MAP3K4: variants seen among roughly 807,000 people sequenced by gnomAD.
MAP3K4 encodes mitogen-activated protein kinase kinase kinase 4.
MAP3K4 carries 67 observed loss-of-function variants against 185.6 expected under a neutral mutation model. The ratio of observed to expected loss-of-function variants is 0.36; its 90% CI spans 0.30 to 0.44. The LOEUF is 0.44. Ranked by LOEUF, MAP3K4 falls within the 20% of genes least tolerant of loss-of-function variation. The probability of loss-of-function intolerance (pLI) is 1.00; values close to 1 mark genes in which losing one functional copy is unlikely to be tolerated. For missense variants in MAP3K4, 1,551 were observed against 1,995.1 expected (o/e 0.78, Z 4.24); for synonymous variants, 702 against 710.4 (o/e 0.99, Z 0.19).
At position 161,109,958 on chromosome 6, in the gene MAP3K4, T is replaced by TACCCA; in HGVS notation, c.4396+45_4396+49dup. On this transcript the variant is annotated intron_variant, in intron 23 of 26. Transcript: ENST00000392142. This position sits in a 1 kb window ranked among gnomAD's most constrained non-coding sequence, Gnocchi z 5.7. ...GGCTGCTGTGGGCCAGAGCCACTGG[T>TACCCA]ACCCAGCCCGTGGGAGGTGCTCTGA... 6.2e-7 allele frequency: 1 copy of TACCCA among 1,606,458 alleles called. No homozygotes were observed.
At position 161,116,748 on chromosome 6, in the gene MAP3K4, A is replaced by G. The variant is rs1178278732; in HGVS notation, c.4807-102A>G. ...TGCCCAGTACAGTGCTGGGAGCATCAGGATGAGTGGATGGGGCCTTCCCCG... is the reference window on the plus strand; with the variant it reads ...TGCCCAGTACAGTGCTGGGAGCATCGGGATGAGTGGATGGGGCCTTCCCCG... On this transcript the variant is annotated intron_variant, in intron 26 of 26. Coordinates refer to ENST00000392142, the MANE Select transcript of MAP3K4 (RefSeq NM_005922.4). This position sits in a 1 kb window ranked among gnomAD's most constrained non-coding sequence, Gnocchi z 6.2. 6 of 968,840 alleles carry G rather than the reference A, an allele frequency of 6.2e-6. No homozygotes were observed. The highest frequency in any genetic ancestry group is 6.6e-6 in the Non-Finnish European group (4 of 605,560). 60.0% of individuals were successfully genotyped at this position (968,840 alleles called of 1,614,324 possible). A position where few individuals can be genotyped will look rare whatever the true frequency, so the allele number is the denominator to read the frequency against.
rs1782173300 is a variant in MAP3K4, at chr6:161,017,564, T to C, written c.153-16695T>C. ...AAAAATTAGGTCCACAAAAAATCTT[T>C]GTGATCTTTTGTAAGTTATAGAAAC... On this transcript the variant is annotated intron_variant, in intron 1 of 26. Coordinates refer to ENST00000392142, the MANE Select transcript of MAP3K4 (RefSeq NM_005922.4). The surrounding 1 kb of genome is among the most constrained non-coding windows in gnomAD (Gnocchi z 5.1). 6.6e-6 allele frequency among the ~76,000 whole-genome samples: 1 copy of C among 152,210 alleles called. No individual in the cohort carries two copies. Among genetic ancestry groups the C allele is most frequent in the South Asian group, 2.1e-4 (1 of 4,828 alleles).
intron 1 of MAP3K4, among the ~76,000 whole-genome samples, chr6:161,026,846 T>C (rs1000044829): frequency 1.3e-5 from 2 of 151,662 alleles, no homozygotes; most frequent in Non-Finnish European, 2.9e-5. Flanking sequence ...ATTTATATAG[T>C]TTTATGAGAG....
At chr6:161,089,603 C>G (rs1785925246) in intron 11 of MAP3K4, 132 bp downstream of exon 11, 2 of 811,550 alleles carry the variant, frequency 2.5e-6, no homozygotes, top group Non-Finnish European at 3.8e-6. Context: ...CCTCTCTTCC[C>G]AATACATATT....
At chr6:161,036,074 A>G (rs551803952) in intron 2 of MAP3K4, among the ~76,000 whole-genome samples, 2 of 152,334 alleles carry the variant, frequency 1.3e-5, no homozygotes, top group Admixed American at 6.5e-5. Flanking sequence ...ATGGTCTTTC[A>G]CTAATCAGTG....
rs1783085159 is a variant in MAP3K4 at position 161,034,730 on chromosome 6, G to T, written c.343+281G>T. Among the ~76,000 whole-genome samples the T allele has an allele frequency of 6.6e-6, 1 of 152,132 alleles. No homozygotes were observed. The highest frequency in any genetic ancestry group is 2.4e-5 in the African/African-American group (1 of 41,420). ...TTTCCCAGTGTACTAATACAAGATG[G>T]CAACTGGTTACATGGGATAGATGGC... On this transcript the variant is annotated intron_variant, in intron 2 of 26. Coordinates refer to ENST00000392142, the MANE Select transcript of MAP3K4 (RefSeq NM_005922.4). This position sits in a 1 kb window ranked among gnomAD's most constrained non-coding sequence, Gnocchi z 4.4.
chr6:160,997,200 G>A (rs921984357), intron 1 of MAP3K4, among the ~76,000 whole-genome samples: 2 of 151,938 alleles, frequency 1.3e-5, no homozygotes, highest in Non-Finnish European at 2.9e-5. Context: ...GTGAGTCTCA[G>A]AGGATCACCT....
Position 161,084,577 on chromosome 6 carries a change from T to C in MAP3K4, c.2332T>C (p.Trp778Arg), listed in dbSNP as rs1017699440. The C allele has an allele frequency of 3.1e-6, 5 of 1,612,880 alleles. No individual in the cohort carries two copies. Among genetic ancestry groups the C allele is most frequent in the Middle Eastern group, 1.7e-4 (1 of 6,060 alleles). The change falls in exon 7 of 27, where the codon TGG (tryptophan) becomes CGG (arginine). Residue 778 changes from tryptophan to arginine, a missense_variant. Coordinates refer to ENST00000392142, the MANE Select transcript of MAP3K4 (RefSeq NM_005922.4). This position sits in a 1 kb window ranked among gnomAD's most constrained non-coding sequence, Gnocchi z 4.6. Reference sequence around the variant, plus strand: ...CTTACAGGAGAGCTGTGCTGAATTTTGGACTAGTGCGGATGACAGCAGTGC... The same window carrying C: ...CTTACAGGAGAGCTGTGCTGAATTTCGGACTAGTGCGGATGACAGCAGTGC... ...FGLQESCAEF[W>R]TSADDSSASD...
chr6:161,066,069 G>A (rs1045561057), intron 3 of MAP3K4, among the ~76,000 whole-genome samples: 11 of 152,040 alleles, frequency 7.2e-5, no homozygotes, highest in Non-Finnish European at 1.5e-4. Context: ...TTAGGGATGC[G>A]CAACCTATAT....
intron 1 of MAP3K4, among the ~76,000 whole-genome samples, chr6:161,014,782 A>C (rs950613124): frequency 6.6e-6 from 1 of 152,328 alleles, no homozygotes; most frequent in African/African-American, 2.4e-5. Flanking sequence ...TCATCCACCC[A>C]TTTAAAGTGT....
chr6:161,036,624 A>G (rs1383797769), intron 2 of MAP3K4, among the ~76,000 whole-genome samples: 2 of 152,188 alleles, frequency 1.3e-5, no homozygotes, highest in Admixed American at 6.5e-5. Context: ...TGGCTGCTAT[A>G]TCATTTGTAG....
In MAP3K4 at chr6:161,048,431, A is replaced by T. The variant is rs986310519; in HGVS notation, c.344-185A>T. 25 of 594,930 alleles carry T rather than the reference A, an allele frequency of 4.2e-5. No homozygotes were observed. The highest frequency in any genetic ancestry group is 4.4e-5 in the Non-Finnish European group (15 of 341,068). The allele number at this position is 594,930 out of a possible 1,614,324, so 36.9% of individuals were successfully genotyped here. On this transcript the variant is annotated intron_variant, in intron 2 of 26. Transcript: ENST00000392142. The surrounding 1 kb of genome is among the most constrained non-coding windows in gnomAD (Gnocchi z 4.7). ...ACTGGAAAAATGGATAATTTTTTTT[A>T]AAATATAGAAAATGTCATATATATT...
At position 161,020,896 on chromosome 6, in the gene MAP3K4, C is replaced by T. The variant is rs192870617; in HGVS notation, c.153-13363C>T. ...TATTTATATTGGGAATACACAGGGC[C>T]TTTAAGCCCCACATTTCCAGTAAAT... On this transcript the variant is annotated intron_variant, in intron 1 of 26. Coordinates refer to ENST00000392142, the MANE Select transcript of MAP3K4 (RefSeq NM_005922.4). 7.6e-3 allele frequency among the ~76,000 whole-genome samples: 1,160 copies of T among 152,226 alleles called. 14 individuals are homozygous for T. The highest frequency in any genetic ancestry group is 0.027 in the African/African-American group (1,115 of 41,528).
Position 160,992,046 on chromosome 6 carries a change from G to A in MAP3K4, c.115G>A (p.Glu39Lys), listed in dbSNP as rs955736890. ...GCCGCCACCACCGCCACCGGAACCCGAGACCGAGTCAGAACCCGAGTGCTG... is the reference window on the plus strand; with the variant it reads ...GCCGCCACCACCGCCACCGGAACCCAAGACCGAGTCAGAACCCGAGTGCTG... ...PPPPPPPPEPETESEPECCLA... is the reference protein window; with the variant it reads ...PPPPPPPPEPKTESEPECCLA... The change falls in exon 1 of 27, where the codon GAG becomes AAG. Residue 39 changes from glutamate to lysine, a missense_variant. By Grantham distance (56) the Glu-to-Lys change is moderately conservative. Coordinates refer to ENST00000392142, the MANE Select transcript of MAP3K4 (RefSeq NM_005922.4). 5 of 1,581,624 alleles carry A rather than the reference G, an allele frequency of 3.2e-6. No individual in the cohort carries two copies. Among genetic ancestry groups the A allele is most frequent in the Non-Finnish European group, 4.3e-6 (5 of 1,169,914 alleles).
intron 1 of MAP3K4, among the ~76,000 whole-genome samples, chr6:160,998,626 T>TA (rs979398911): frequency 3.9e-5 from 6 of 152,196 alleles, no homozygotes; most frequent in Non-Finnish European, 7.4e-5. Context: ...GCTTGGGTAA[T>TA]AGAGTATGTA....
chr6:161,102,704 G>T lies in MAP3K4; in HGVS notation c.3781G>T (p.Ala1261Ser), dbSNP rs1777887668. 3.8e-6 allele frequency: 6 copies of T among 1,570,786 alleles called. No individual in the cohort carries two copies. The highest frequency in any genetic ancestry group is 1.4e-5 in the African/African-American group (1 of 72,090). The change falls in exon 19 of 27, where the codon GCA becomes TCA. Residue 1261 changes from alanine (A) to serine (S), a missense_variant. This residue lies in a region of MAP3K4 where 272 missense variants were observed against 301.2 expected (regional missense o/e 0.90). Transcript: ENST00000392142. ...ATAAAAATAACTTCCTGCAGAACCA[G>T]CATATCCAAGAGGAGATTCAAGTGG... ...SSPTEERDEP[A>S]YPRGDSSGST...
At chr6:160,993,585 A>G (rs1362123506) in intron 1 of MAP3K4, among the ~76,000 whole-genome samples, 1 of 152,248 alleles carries the variant, frequency 6.6e-6, no homozygotes, top group Non-Finnish European at 1.5e-5. Context: ...TTTAACCACC[A>G]TGAAGAATTC....
rs907392092 is a variant in MAP3K4 at position 161,103,394 on chromosome 6, A to G, written c.3856+615A>G. On this transcript the variant is annotated intron_variant, in intron 19 of 26. Coordinates refer to ENST00000392142, the MANE Select transcript of MAP3K4 (RefSeq NM_005922.4). The surrounding 1 kb of genome is among the most constrained non-coding windows in gnomAD (Gnocchi z 4.6). ...CCCTTTGAACTTTGTGTGACTGACC[A>G]GAAGAGTATTTGTCTTCCAAGGCCT... Among the ~76,000 whole-genome samples the G allele has an allele frequency of 6.6e-6, 1 of 152,204 alleles. No individual in the cohort carries two copies. Among genetic ancestry groups the G allele is most frequent in the Non-Finnish European group, 1.5e-5 (1 of 68,040 alleles).
chr6:161,044,238 A>C (rs1783617807), intron 2 of MAP3K4, among the ~76,000 whole-genome samples: 1 of 152,196 alleles, frequency 6.6e-6, no homozygotes, highest in Non-Finnish European at 1.5e-5. Context: ...AGTTATTAAG[A>C]ACTATTTTTG....
Sources: allele counts gnomAD v4.1 joint callset (sites outside exome capture counted in the v4.1 genomes callset), GRCh38; gene constraint gnomAD v4.1.1; regional missense constraint gnomAD v4.1.1; non-coding constraint Gnocchi (gnomAD v3.1); transcripts MANE v1.5; gene names NCBI Gene and HGNC (gene_info 2026-07-23, HGNC 2026-07-21).